Variants in CELF4 observed in about 807,000 individuals in gnomAD.
CELF4 encodes the protein CUG-BP- and ETR-3-like factor 4.
CELF4 carries 18 observed loss-of-function variants against 59.9 expected under a neutral mutation model. That is an observed-to-expected ratio of 0.30 (90% CI 0.21 to 0.45). The LOEUF (loss-of-function observed/expected upper bound fraction) is 0.45. Ranked by LOEUF, CELF4 falls within the 20% of genes least tolerant of loss-of-function variation. CELF4 has a pLI of 1.00. For synonymous variants in CELF4, 261 were observed against 267.1 expected (o/e 0.98, Z 0.22); for missense variants, 456 against 689.0 (o/e 0.66, Z 3.79).
chr18:37,365,440 G>GGA (rs10654216), intron 2 of CELF4, among the ~76,000 whole-genome samples: 127,338 of 149,652 alleles, frequency 0.85, 54,359 homozygotes, highest in East Asian at 0.92. Context: ...ATGAGGCAGA[G>GGA]GAGAGAATTT....
At chr18:37,547,698 G>A (rs572108781) in intron 1 of CELF4, among the ~76,000 whole-genome samples, 13 of 152,194 alleles carry the variant, frequency 8.5e-5, no homozygotes, top group South Asian at 2.1e-4. Context: ...CTGTGTTCCC[G>A]TCTCCCTTCC....
chr18:37,365,372 C>A (rs1014609643), intron 2 of CELF4, among the ~76,000 whole-genome samples: 1 of 151,988 alleles, frequency 6.6e-6, no homozygotes, highest in African/African-American at 2.4e-5. Flanking sequence ...AAGGGAGAAG[C>A]ATGTCGCCCA....
chr18:37,437,811 T>C (rs1052794529), intron 2 of CELF4, among the ~76,000 whole-genome samples: 1 of 152,180 alleles, frequency 6.6e-6, no homozygotes, highest in Non-Finnish European at 1.5e-5. Flanking sequence ...GCTGTGGACC[T>C]TCCAGCTAAG....
At chr18:37,300,005 A>C (rs559735018) in intron 3 of CELF4, among the ~76,000 whole-genome samples, 1 of 152,180 alleles carries the variant, frequency 6.6e-6, no homozygotes, top group African/African-American at 2.4e-5. Context: ...CCTTCCAGGA[A>C]TCCTTCTCCA....
intron 2 of CELF4, among the ~76,000 whole-genome samples, chr18:37,365,886 A>G (rs1445265491): frequency 6.6e-6 from 1 of 152,236 alleles, no homozygotes; most frequent in Non-Finnish European, 1.5e-5. Context: ...TTCATACTTT[A>G]CAATAGTAAA....
chr18:37,304,070 T>A (rs2154468584), intron 3 of CELF4, among the ~76,000 whole-genome samples: 1 of 152,358 alleles, frequency 6.6e-6, no homozygotes, highest in South Asian at 2.1e-4. Flanking sequence ...AGTTGTGCTC[T>A]GAATTTTTTT....
chr18:37,432,251 A>G lies in CELF4; in HGVS notation c.369+53274T>C, dbSNP rs113164756. ...GTGCAGCAGAAGGGGTGCTGTTGTGAGGGCCACCCGCCAATGTGGGGGCAC... is the reference window on the plus strand; with the variant it reads ...GTGCAGCAGAAGGGGTGCTGTTGTGGGGGCCACCCGCCAATGTGGGGGCAC... On this transcript the variant is annotated intron_variant, in intron 2 of 12. Transcript: ENST00000420428. Among the ~76,000 whole-genome samples, 351 of 152,288 alleles carry G rather than the reference A, an allele frequency of 2.3e-3. 2 individuals carry two copies. The highest frequency in any genetic ancestry group is 7.7e-3 in the African/African-American group (321 of 41,562).
intron 11 of CELF4, among the ~76,000 whole-genome samples, chr18:37,256,370 A>G (rs184687937): frequency 6.6e-6 from 1 of 152,306 alleles, no homozygotes; most frequent in African/African-American, 2.4e-5. Context: ...TCACTTTAAC[A>G]TAGGGCCACT....
chr18:37,516,228 C>A (rs557059684), intron 1 of CELF4, among the ~76,000 whole-genome samples: 1 of 152,320 alleles, frequency 6.6e-6, no homozygotes, highest in African/African-American at 2.4e-5. Context: ...CTCCCTGCTC[C>A]CTTCTTGGCC....
In CELF4 at chr18:37,379,507, C is replaced by CAAAAAAAAAAA. The variant is rs56250210; in HGVS notation, c.370-57637_370-57627dup. On this transcript the variant is annotated intron_variant, in intron 2 of 12. Transcript: ENST00000420428. The stretch of plus-strand genomic sequence containing the variant: ...GGCATCACAAATAAGAGGCCATAAG[C>CAAAAAAAAAAA]AAAAAAAAAAAAAAAAAAAAAAAAA... 1.5e-4 allele frequency among the ~76,000 whole-genome samples: 7 copies of CAAAAAAAAAAA among 45,706 alleles called. 1 individual carries two copies. Among genetic ancestry groups the CAAAAAAAAAAA allele is most frequent in the African/African-American group, 5.7e-4 (6 of 10,584 alleles). 30.0% of individuals were successfully genotyped at this position (45,706 alleles called of 152,430 possible). A position where few individuals can be genotyped will look rare whatever the true frequency, so the allele number is the denominator to read the frequency against.
At chr18:37,340,755 A>G (rs895780826) in intron 2 of CELF4, among the ~76,000 whole-genome samples, 1 of 152,318 alleles carries the variant, frequency 6.6e-6, no homozygotes, top group Non-Finnish European at 1.5e-5. Flanking sequence ...TGTAGTTGAC[A>G]ATGACAGTGA....
At chr18:37,335,441 T>TG (rs2097733460) in intron 2 of CELF4, among the ~76,000 whole-genome samples, 1 of 151,928 alleles carries the variant, frequency 6.6e-6, no homozygotes, top group African/African-American at 2.4e-5. Context: ...CAAATGCATG[T>TG]GTGTGCATGT....
intron 1 of CELF4, among the ~76,000 whole-genome samples, chr18:37,491,224 T>A (rs1226347907): frequency 6.9e-6 from 1 of 145,102 alleles, no homozygotes; most frequent in African/African-American, 2.6e-5. Flanking sequence ...GCCCACCTCC[T>A]CTCCTCACCC....
At chr18:37,321,163 C>T (rs1334872522) in intron 3 of CELF4, among the ~76,000 whole-genome samples, 1 of 152,094 alleles carries the variant, frequency 6.6e-6, no homozygotes, top group Non-Finnish European at 1.5e-5. Context: ...CCTGGCTGGC[C>T]GTCTGCCTAA....
At chr18:37,277,594 A>G (rs1394802582) in intron 3 of CELF4, among the ~76,000 whole-genome samples, 3 of 152,194 alleles carry the variant, frequency 2.0e-5, no homozygotes, top group African/African-American at 7.2e-5. Flanking sequence ...AAGAGCTGGG[A>G]GAAGAGGGCT....
In CELF4 at chr18:37,253,325, C is replaced by G. The variant is rs562525660; in HGVS notation, c.*44+442G>C. 9.8e-5 allele frequency among the ~76,000 whole-genome samples: 15 copies of G among 152,322 alleles called. No homozygotes were observed. The South Asian group carries it at 2.3e-3, about 23-fold the overall frequency. ...GTCAAGTGTCTAAAGGCTACCAGCC[C>G]TCCTGGAAGAACTGGGGAGGAGAGA... On this transcript the variant is annotated intron_variant, in intron 12 of 12. Transcript: ENST00000420428. The surrounding 1 kb of genome is among the most constrained non-coding windows in gnomAD (Gnocchi z 4.5).
chr18:37,408,751 C>G (rs893478022), intron 2 of CELF4, among the ~76,000 whole-genome samples: 1 of 152,178 alleles, frequency 6.6e-6, no homozygotes, highest in Non-Finnish European at 1.5e-5. Flanking sequence ...ACCCGGCGCA[C>G]CCTCCCCCGA....
intron 2 of CELF4, among the ~76,000 whole-genome samples, chr18:37,348,369 C>T (rs1397499353): frequency 2.0e-5 from 3 of 152,074 alleles, no homozygotes; most frequent in African/African-American, 2.4e-5. Flanking sequence ...TGGTCCCTTC[C>T]TTTTTTGCCC....
chr18:37,558,555 G>T (rs1267037660), intron 1 of CELF4, among the ~76,000 whole-genome samples: 1 of 113,318 alleles, frequency 8.8e-6, no homozygotes, highest in Non-Finnish European at 1.8e-5. Context: ...GTGAAATTGT[G>T]GGGGGCGGGT....
Sources: allele counts gnomAD v4.1 joint callset (sites outside exome capture counted in the v4.1 genomes callset), GRCh38; gene constraint gnomAD v4.1.1; non-coding constraint Gnocchi (gnomAD v3.1); transcripts MANE v1.5; gene names NCBI Gene and HGNC (gene_info 2026-07-23, HGNC 2026-07-21).